ZMAT5: variants seen among roughly 807,000 people sequenced by gnomAD.
ZMAT5 encodes zinc finger matrin-type 5.
Under a neutral mutation model 28.0 loss-of-function variants are expected in ZMAT5, and 23 were observed. The ratio of observed to expected loss-of-function variants is 0.82; its 90% CI spans 0.59 to 1.16. The LOEUF (loss-of-function observed/expected upper bound fraction) is 1.16, where lower values mean the gene tolerates loss of function less well. ZMAT5 is among the 50% of genes most tolerant of loss of function. ZMAT5 has a pLI of 0.00. For missense variants in ZMAT5, 173 were observed against 212.7 expected (o/e 0.81, Z 1.16); for synonymous variants, 76 against 84.1 (o/e 0.90, Z 0.52).
At chr22:29,754,144 G>A (rs923202667) in intron 1 of ZMAT5, among the ~76,000 whole-genome samples, 6 of 152,226 alleles carry the variant, frequency 3.9e-5, no homozygotes, top group South Asian at 2.1e-4. Flanking sequence ...TCTAAATGGC[G>A]CCCAGATACC....
chr22:29,740,669 C>G lies in ZMAT5; in HGVS notation c.252G>C (p.Glu84Asp). 1 of 1,603,584 alleles carries G rather than the reference C, an allele frequency of 6.2e-7. No homozygotes were observed. The highest frequency in any genetic ancestry group is 1.1e-5 in the South Asian group (1 of 88,586). Reference sequence around the variant, plus strand: ...ACGTACCCTCCACCTGGATGCTCAGCTCCTGCAGGTCTCGCTCTGACATGT... The same window carrying G: ...ACGTACCCTCCACCTGGATGCTCAGGTCCTGCAGGTCTCGCTCTGACATGT... The part of the protein sequence containing the change: ...FSHMSERDLQ[E>D]LSIQVEEERR... Residue 84 changes from glutamate to aspartate, a missense_variant, in exon 4 of 6, where the codon GAG (glutamate) becomes GAC (aspartate). By Grantham distance (45) the Glu-to-Asp change is conservative (BLOSUM62 2). Transcript: ENST00000344318.
In ZMAT5 at chr22:29,742,410, G is replaced by A. The variant is rs778404720; in HGVS notation, c.190+8C>T. 1 of 1,612,916 alleles carries A rather than the reference G, an allele frequency of 6.2e-7. No homozygotes were observed. The highest frequency in any genetic ancestry group is 2.2e-5 in the East Asian group (1 of 44,864). On this transcript the variant is annotated splice_region_variant and intron_variant, in intron 3 of 5. Transcript: ENST00000344318. ...CCGCAGGGACCTGAGCTGTGCAGAGGACTTTACCTGTCAGTAGAAACTTCC... is the reference window on the plus strand; with the variant it reads ...CCGCAGGGACCTGAGCTGTGCAGAGAACTTTACCTGTCAGTAGAAACTTCC...
At chr22:29,741,632 T>G (rs991372844) in intron 3 of ZMAT5, among the ~76,000 whole-genome samples, 3 of 152,202 alleles carry the variant, frequency 2.0e-5, no homozygotes, top group African/African-American at 7.2e-5. Flanking sequence ...CTTCACTTAC[T>G]GAGGTTTTAC....
chr22:29,756,583 G>A (rs1021124584), intron 1 of ZMAT5, among the ~76,000 whole-genome samples: 1 of 152,160 alleles, frequency 6.6e-6, no homozygotes, highest in African/African-American at 2.4e-5. Flanking sequence ...GGGCCAGGAT[G>A]TAAGAAAGTC....
intron 2 of ZMAT5, among the ~76,000 whole-genome samples, chr22:29,745,146 G>A (rs1159248668): frequency 1.3e-5 from 2 of 152,382 alleles, no homozygotes; most frequent in Middle Eastern, 3.4e-3. Context: ...CCCTATGGAT[G>A]TAAGCGGGGT....
intron 1 of ZMAT5, among the ~76,000 whole-genome samples, chr22:29,748,869 T>C (rs183958173): frequency 2.3e-4 from 35 of 152,268 alleles, no homozygotes; most frequent in African/African-American, 8.2e-4. Context: ...TGGAGTGCAG[T>C]GTTGCAAACA....
intron 5 of ZMAT5, 92 bp from the exon 6 acceptor site, chr22:29,731,446 T>C (rs2067843412): frequency 1.4e-6 from 2 of 1,480,320 alleles, no homozygotes; most frequent in African/African-American, 3.0e-5. Flanking sequence ...ACCCTGGCTG[T>C]GGGGAGGGTC....
chr22:29,735,460 A>C (rs965301074), intron 5 of ZMAT5, among the ~76,000 whole-genome samples: 8 of 152,204 alleles, frequency 5.3e-5, no homozygotes, highest in African/African-American at 1.9e-4. Context: ...CAGTTGCAGA[A>C]CAATCATTCC....
intron 1 of ZMAT5, among the ~76,000 whole-genome samples, chr22:29,766,425 C>A (rs547353052): frequency 1.3e-5 from 2 of 152,356 alleles, no homozygotes; most frequent in East Asian, 3.9e-4. Flanking sequence ...GTTTGCTGTA[C>A]TGCATCTCCC....
At chr22:29,755,230 G>A (rs1162500011) in intron 1 of ZMAT5, among the ~76,000 whole-genome samples, 2 of 151,830 alleles carry the variant, frequency 1.3e-5, no homozygotes, top group Non-Finnish European at 2.9e-5. Flanking sequence ...AGGCAGCGGA[G>A]GTTGCAGTGA....
intron 1 of ZMAT5, among the ~76,000 whole-genome samples, chr22:29,756,446 ATCCTGACCTCATCCCTGTGTTTGCC>A (rs2068102087): frequency 6.6e-6 from 1 of 152,050 alleles, no homozygotes; most frequent in Admixed American, 6.6e-5. Context: ...CACCTTTTTC[ATCCTGACCTCATCCCTGTGTTTGCC>A]TCCTGCCCTC....
At chr22:29,747,223 T>C (rs2068016301) in intron 2 of ZMAT5, 1 of 152,198 alleles carries the variant, frequency 6.6e-6, no homozygotes, top group South Asian at 2.1e-4. Flanking sequence ...TGACGAACTA[T>C]GAAAAGCACC....
At chr22:29,737,136 G>T (rs61310283) in intron 5 of ZMAT5, among the ~76,000 whole-genome samples, 2,816 of 151,840 alleles carry the variant, frequency 0.019, 93 homozygotes, top group African/African-American at 0.065. Context: ...TCAAGACCAG[G>T]CTGGCCAACA....
intron 1 of ZMAT5, among the ~76,000 whole-genome samples, chr22:29,759,924 G>C (rs1319651203): frequency 6.6e-6 from 1 of 152,118 alleles, no homozygotes; most frequent in Non-Finnish European, 1.5e-5. Context: ...AATTAGGCCG[G>C]GCACGGTGGC....
At chr22:29,736,112 C>T (rs1365160166) in intron 5 of ZMAT5, among the ~76,000 whole-genome samples, 1 of 152,194 alleles carries the variant, frequency 6.6e-6, no homozygotes, top group Non-Finnish European at 1.5e-5. Flanking sequence ...CATAGGAGAT[C>T]CTGTCCAAGT....
At chr22:29,736,448 G>A (rs2067904612) in intron 5 of ZMAT5, among the ~76,000 whole-genome samples, 1 of 152,202 alleles carries the variant, frequency 6.6e-6, no homozygotes, top group Non-Finnish European at 1.5e-5. Context: ...GGCTGGGTGC[G>A]GTGGCTCATG....
chr22:29,743,524 G>A (rs1423016574), intron 2 of ZMAT5, among the ~76,000 whole-genome samples: 1 of 152,190 alleles, frequency 6.6e-6, no homozygotes, highest in African/African-American at 2.4e-5. Context: ...TCCACCTTCT[G>A]CACTCAGGTG....
chr22:29,738,353 C>G lies in ZMAT5; in HGVS notation c.360G>C (p.Arg120=), dbSNP rs1166628077. The G allele has an allele frequency of 6.2e-7, 1 of 1,609,986 alleles. No homozygotes were observed. Among genetic ancestry groups the G allele is most frequent in the East Asian group, 2.2e-5 (1 of 44,840 alleles). Reference sequence around the variant, plus strand: ...ACCTGCTACTTGGGGCTGAGCTCAGCCGCTTGGCTCTCTTCTCCAGCCAGT... The same window carrying G: ...ACCTGCTACTTGGGGCTGAGCTCAGGCGCTTGGCTCTCTTCTCCAGCCAGT... ...LEDWLEKRAK[R]LSSAPSSRAE... is the part of the protein sequence containing the mutation. Residue 120 remains arginine, a synonymous_variant, in exon 5 of 6, where the codon CGG becomes CGC. Coordinates refer to ENST00000344318, the MANE Select transcript of ZMAT5 (RefSeq NM_001003692.2).
chr22:29,758,985 T>C (rs1435927080), intron 1 of ZMAT5: 1 of 152,182 alleles, frequency 6.6e-6, no homozygotes, highest in East Asian at 1.9e-4. Context: ...CCAGGGGTGG[T>C]AAGTGAAAGA....
Sources: allele counts gnomAD v4.1 joint callset (sites outside exome capture counted in the v4.1 genomes callset), GRCh38; gene constraint gnomAD v4.1.1; transcripts MANE v1.5; gene names NCBI Gene and HGNC (gene_info 2026-07-23, HGNC 2026-07-21).